ACTL6A: variants seen among roughly 807,000 people sequenced by gnomAD.
ACTL6A encodes actin-like protein 6A.
Under a neutral mutation model 59.2 loss-of-function variants are expected in ACTL6A, and 5 were observed. That is an observed-to-expected ratio of 0.08 (90% CI 0.04 to 0.18). The LOEUF (loss-of-function observed/expected upper bound fraction) is 0.18. Among genes scored for constraint, ACTL6A ranks in the 10% least tolerant of loss-of-function variants. The pLI is 1.00. For missense variants in ACTL6A, 285 were observed against 526.9 expected, an observed-to-expected ratio of 0.54 and a Z score of 4.49; for synonymous variants, 154 against 171.8, an observed-to-expected ratio of 0.90 and a Z score of 0.81.
chr3:179,575,147 A>G, intron 5 of ACTL6A: 1 of 322,918 alleles, frequency 3.1e-6, no homozygotes, highest in Non-Finnish European at 6.0e-6. Flanking sequence ...CCAGCCTCTA[A>G]TAATCTTTCT....
At chr3:179,580,152 C>A (rs1473205064) in intron 8 of ACTL6A, among the ~76,000 whole-genome samples, 1 of 152,144 alleles carries the variant, frequency 6.6e-6, no homozygotes, top group Non-Finnish European at 1.5e-5. Context: ...GATGATTAGT[C>A]ATTTTTCCTA....
chr3:179,579,796 A>G (rs1434079264), intron 8 of ACTL6A, among the ~76,000 whole-genome samples: 5 of 149,870 alleles, frequency 3.3e-5, no homozygotes, highest in Non-Finnish European at 7.4e-5. Context: ...CTCAAAAAAT[A>G]AATAAAGACA....
At chr3:179,584,248 T>A (rs1269813793) in intron 12 of ACTL6A, 1 of 152,236 alleles carries the variant, frequency 6.6e-6, no homozygotes, top group Non-Finnish European at 1.5e-5. Context: ...TATAATAACT[T>A]TTAAAAGAAT....
intron 3 of ACTL6A, 183 bp from the exon 4 acceptor site, chr3:179,573,186 C>A (rs1043306086): frequency 4.4e-6 from 2 of 454,118 alleles, no homozygotes; most frequent in Admixed American, 8.8e-5. Flanking sequence ...AAAAGAAGTT[C>A]TATATATCTA....
chr3:179,587,585 A>T (rs985384705), intron 13 of ACTL6A, among the ~76,000 whole-genome samples: 3 of 151,894 alleles, frequency 2.0e-5, no homozygotes, highest in Non-Finnish European at 2.9e-5. Context: ...ATAAGATATT[A>T]AAAAAAACGC....
chr3:179,567,130 G>T (rs141066179), intron 1 of ACTL6A, among the ~76,000 whole-genome samples: 1 of 152,098 alleles, frequency 6.6e-6, no homozygotes, highest in Non-Finnish European at 1.5e-5. Context: ...CTTTGGGAGG[G>T]CAAGGCGAGT....
intron 11 of ACTL6A, among the ~76,000 whole-genome samples, chr3:179,582,873 TTTAA>T (rs972689704): frequency 2.6e-5 from 4 of 152,224 alleles, no homozygotes; most frequent in African/African-American, 9.6e-5. Flanking sequence ...GAATGATTCC[TTTAA>T]GTTAGTGGTT....
At chr3:179,577,489 CA>C (rs924769724) in intron 8 of ACTL6A, among the ~76,000 whole-genome samples, 23 of 149,316 alleles carry the variant, frequency 1.5e-4, no homozygotes, top group East Asian at 1.4e-3. Flanking sequence ...AAAAAAAAAA[CA>C]AAAAAAAACT....
At chr3:179,583,272 C>A in intron 11 of ACTL6A, 81 bp from the exon 12 acceptor site, 1 of 1,075,716 alleles carries the variant, frequency 9.3e-7, no homozygotes, top group Non-Finnish European at 1.4e-6. Context: ...TGTAGTAGAG[C>A]ACATGGTTAT....
intron 8 of ACTL6A, among the ~76,000 whole-genome samples, chr3:179,577,312 G>T (rs1315346953): frequency 1.3e-5 from 2 of 152,090 alleles, no homozygotes; most frequent in Non-Finnish European, 2.9e-5. Context: ...TCTCAGTTAT[G>T]TTCTGTTTCC....
chr3:179,580,850 A>G (rs1489563597), intron 9 of ACTL6A, 44 bp from the exon 10 acceptor site: 1 of 1,522,812 alleles, frequency 6.6e-7, no homozygotes, highest in East Asian at 2.3e-5. Context: ...TTTGAAGAGA[A>G]TTATTTTTTG....
At chr3:179,576,092 T>TA (rs1267412681) in intron 5 of ACTL6A, 125 bp from the exon 6 acceptor site, 4 of 676,116 alleles carry the variant, frequency 5.9e-6, no homozygotes, top group Non-Finnish European at 1.0e-5. Context: ...TTCACTGTAA[T>TA]ACATTTTTAA....
In ACTL6A at chr3:179,570,260, G is replaced by A. The variant is rs769482771; in HGVS notation, c.277+19G>A. 1.2e-6 allele frequency: 2 copies of A among 1,602,024 alleles called. No homozygotes were observed. Among genetic ancestry groups the A allele is most frequent in the Admixed American group, 3.4e-5 (2 of 58,490 alleles). ...GGGATGGGTATGATGTTTTCCCCATGGAATTGATTATGGAGTGTACATGTT... is the reference window on the plus strand; with the variant it reads ...GGGATGGGTATGATGTTTTCCCCATAGAATTGATTATGGAGTGTACATGTT... On this transcript the variant is annotated intron_variant, in intron 3 of 13. Transcript: ENST00000429709. The surrounding 1 kb of genome is among the most constrained non-coding windows in gnomAD (Gnocchi z 4.3).
rs370585441 is a variant in ACTL6A at position 179,576,746 on chromosome 3, T to C, written c.678+20T>C. ...TCAAAAGTAAGTAATTATTGAATTTTCTTTGTAGAACTTACTTCTAGCTCC... is the reference window on the plus strand; with the variant it reads ...TCAAAAGTAAGTAATTATTGAATTTCCTTTGTAGAACTTACTTCTAGCTCC... On this transcript the variant is annotated intron_variant, in intron 7 of 13. Coordinates refer to ENST00000429709, the MANE Select transcript of ACTL6A (RefSeq NM_004301.5). 15 of 1,609,890 alleles carry C rather than the reference T, an allele frequency of 9.3e-6. No individual in the cohort carries two copies. The highest frequency in any genetic ancestry group is 1.3e-5 in the Non-Finnish European group (15 of 1,176,314).
intron 12 of ACTL6A, among the ~76,000 whole-genome samples, chr3:179,586,021 G>A (rs1718478040): frequency 6.6e-6 from 1 of 152,182 alleles, no homozygotes; most frequent in Admixed American, 6.5e-5. Flanking sequence ...AAGGGAGACA[G>A]ATTGGGATGA....
chr3:179,587,357 CA>C (rs1718532767), intron 13 of ACTL6A, among the ~76,000 whole-genome samples: 1 of 152,080 alleles, frequency 6.6e-6, no homozygotes, highest in African/African-American at 2.4e-5. Flanking sequence ...CTTAGGTTGG[CA>C]TCAAGCCATC....
chr3:179,586,417 A>C (rs975084747), intron 12 of ACTL6A, 129 bp from the exon 13 acceptor site: 1 of 664,286 alleles, frequency 1.5e-6, no homozygotes, highest in East Asian at 3.6e-5. Context: ...TTGAGTGCAA[A>C]TGTGAAGACC....
chr3:179,563,743 C>T (rs1717744952), intron 1 of ACTL6A, among the ~76,000 whole-genome samples: 1 of 152,142 alleles, frequency 6.6e-6, no homozygotes, highest in Non-Finnish European at 1.5e-5. Context: ...GACTCGTGGG[C>T]GGGTCTGTTT....
chr3:179,576,423 AT>A (rs1261660467), intron 6 of ACTL6A, 112 bp downstream of exon 6: 12 of 929,252 alleles, frequency 1.3e-5, no homozygotes, highest in Non-Finnish European at 1.6e-5. Flanking sequence ...TCTGAATAAG[AT>A]TTTTTTTAAG....
Sources: gnomAD v4.1 joint callset for allele counts (sites outside exome capture counted in the v4.1 genomes callset) on GRCh38, gnomAD v4.1.1 for gene constraint, Gnocchi (gnomAD v3.1) non-coding constraint, MANE v1.5 for transcripts, NCBI Gene and HGNC (gene_info 2026-07-23, HGNC 2026-07-21) for gene names.